Variants in OPCML observed in about 807,000 individuals in gnomAD.
OPCML encodes the protein opioid-binding protein/cell adhesion molecule.
OPCML carries 13 observed loss-of-function variants against 37.8 expected under a neutral mutation model. The observed-to-expected ratio is 0.34, with a 90% CI of 0.22 to 0.55. The LOEUF is 0.55. OPCML is among the 20% of genes least tolerant of loss of function. The probability of loss-of-function intolerance (pLI) is 0.91; values close to 1 mark genes in which losing one functional copy is unlikely to be tolerated. For synonymous variants in OPCML, 176 were observed against 168.8 expected (o/e 1.04, Z -0.33); for missense variants, 341 against 435.6 (o/e 0.78, Z 1.93).
At chr11:132,736,263 T>A (rs1565820389) in intron 2 of OPCML, among the ~76,000 whole-genome samples, 1 of 152,172 alleles carries the variant, frequency 6.6e-6, no homozygotes, top group South Asian at 2.1e-4. Flanking sequence ...GAGAAGCTAC[T>A]CAAGGCTATA....
chr11:132,456,034 T>C (rs188475729), intron 4 of OPCML, among the ~76,000 whole-genome samples: 23 of 152,248 alleles, frequency 1.5e-4, no homozygotes, highest in Admixed American at 7.2e-4. Context: ...AGGGGAGGTA[T>C]AGGAATTCAA....
At chr11:132,618,452 G>A (rs554072044) in intron 3 of OPCML, among the ~76,000 whole-genome samples, 100 of 152,144 alleles carry the variant, frequency 6.6e-4, no homozygotes, top group African/African-American at 2.3e-3. Flanking sequence ...GCAGTGAGCC[G>A]AGATGGCACC....
At chr11:132,591,618 G>C (rs1452860621) in intron 3 of OPCML, among the ~76,000 whole-genome samples, 1 of 152,172 alleles carries the variant, frequency 6.6e-6, no homozygotes, top group Non-Finnish European at 1.5e-5. Context: ...GAACAAGCGA[G>C]TTCATCTCTC....
At chr11:133,014,703 C>T (rs931583455) in intron 1 of OPCML, among the ~76,000 whole-genome samples, 7 of 152,210 alleles carry the variant, frequency 4.6e-5, no homozygotes, top group Non-Finnish European at 7.3e-5. Flanking sequence ...TGCATGAGAA[C>T]AACATGTGGC....
At chr11:132,930,576 A>G (rs1945163964) in intron 2 of OPCML, among the ~76,000 whole-genome samples, 1 of 152,184 alleles carries the variant, frequency 6.6e-6, no homozygotes, top group Non-Finnish European at 1.5e-5. Context: ...CTAACAATAA[A>G]CAATCTGAAA....
intron 1 of OPCML, among the ~76,000 whole-genome samples, chr11:133,052,998 G>A (rs1010565701): frequency 2.0e-5 from 3 of 152,164 alleles, no homozygotes; most frequent in African/African-American, 7.2e-5. Flanking sequence ...ATTTTGAGGT[G>A]GTATTCTATT....
intron 2 of OPCML, among the ~76,000 whole-genome samples, chr11:132,889,843 G>C (rs187205174): frequency 6.6e-6 from 1 of 152,156 alleles, no homozygotes; most frequent in Admixed American, 6.5e-5. Flanking sequence ...ATAAATGCTT[G>C]CTTCCCGAAT....
intron 4 of OPCML, among the ~76,000 whole-genome samples, chr11:132,516,673 T>C (rs1284604807): frequency 6.7e-6 from 1 of 149,062 alleles, no homozygotes; most frequent in Admixed American, 6.8e-5. Context: ...TTGCTCTTCA[T>C]AAAGTTTTTC....
intron 2 of OPCML, among the ~76,000 whole-genome samples, chr11:132,703,644 G>A (rs1488708511): frequency 6.6e-6 from 1 of 152,188 alleles, no homozygotes; most frequent in East Asian, 1.9e-4. Context: ...ATATGTCAGT[G>A]AGCAAGCAGG....
intron 4 of OPCML, among the ~76,000 whole-genome samples, chr11:132,473,575 C>G (rs78558136): frequency 0.066 from 10,088 of 152,242 alleles, 1,013 homozygotes; most frequent in African/African-American, 0.21. Context: ...CCTATAATCT[C>G]AGCACTTTGG....
At chr11:133,161,710 G>A (rs1193435577) in intron 1 of OPCML, among the ~76,000 whole-genome samples, 1 of 152,132 alleles carries the variant, frequency 6.6e-6, no homozygotes, top group Non-Finnish European at 1.5e-5. Flanking sequence ...AAATGTATGT[G>A]TATATGTATA....
At chr11:132,573,344 T>C (rs532640541) in intron 3 of OPCML, among the ~76,000 whole-genome samples, 245 of 152,132 alleles carry the variant, frequency 1.6e-3, no homozygotes, top group Admixed American at 3.2e-3. Context: ...AAAAACACTT[T>C]TAGTTTTTCA....
chr11:132,883,173 C>T (rs1943280083), intron 2 of OPCML, among the ~76,000 whole-genome samples: 1 of 151,956 alleles, frequency 6.6e-6, no homozygotes, highest in Non-Finnish European at 1.5e-5. Flanking sequence ...ACACGTGAAT[C>T]TACTGGATTA....
chr11:132,826,400 G>A (rs1382721591), intron 2 of OPCML, among the ~76,000 whole-genome samples: 3 of 152,226 alleles, frequency 2.0e-5, no homozygotes, highest in Non-Finnish European at 4.4e-5. Flanking sequence ...GCCAGTCTGA[G>A]TGGGATGGTG....
intron 1 of OPCML, chr11:133,422,149 T>C: frequency 1.0e-6 from 1 of 983,736 alleles, no homozygotes; most frequent in Non-Finnish European, 1.2e-6. Flanking sequence ...CCCGATGTGT[T>C]TGTTTGTTTG....
intron 4 of OPCML, among the ~76,000 whole-genome samples, chr11:132,458,226 G>C (rs1354879828): frequency 1.3e-5 from 2 of 152,176 alleles, no homozygotes; most frequent in Non-Finnish European, 1.5e-5. Flanking sequence ...CAAAGAGCAT[G>C]ACGATTCATA....
intron 1 of OPCML, among the ~76,000 whole-genome samples, chr11:133,109,316 G>C (rs1015220394): frequency 2.0e-5 from 3 of 152,180 alleles, no homozygotes; most frequent in African/African-American, 4.8e-5. Flanking sequence ...GGACTCCACA[G>C]CATGGAAGAG....
At chr11:132,670,956 A>C (rs1942449077) in intron 2 of OPCML, among the ~76,000 whole-genome samples, 1 of 152,154 alleles carries the variant, frequency 6.6e-6, no homozygotes, top group Non-Finnish European at 1.5e-5. Context: ...CAACCCATAG[A>C]CTGTGCTGCC....
intron 4 of OPCML, among the ~76,000 whole-genome samples, chr11:132,504,340 G>A (rs201572124): frequency 1.4e-5 from 2 of 142,142 alleles, no homozygotes; most frequent in South Asian, 2.1e-4. Flanking sequence ...CAATACAAGC[G>A]CTGACTTGGA....
Sources: allele counts gnomAD v4.1 joint callset (sites outside exome capture counted in the v4.1 genomes callset), GRCh38; gene constraint gnomAD v4.1.1; transcripts MANE v1.5; gene names NCBI Gene and HGNC (gene_info 2026-07-23, HGNC 2026-07-21).